Variants in DOP1B observed in about 807,000 individuals in gnomAD.
DOP1B encodes the protein protein DOP1B.
DOP1B carries 174 observed loss-of-function variants against 233.5 expected under a neutral mutation model. The ratio of observed to expected loss-of-function variants is 0.75; its 90% confidence interval spans 0.66 to 0.85. The LOEUF (loss-of-function observed/expected upper bound fraction) is 0.85. DOP1B is among the 40% of genes least tolerant of loss of function. The pLI is 0.00. For synonymous variants in DOP1B, 1,190 were observed against 1,185.6 expected, an observed-to-expected ratio of 1.00 and a Z score of -0.08; for missense variants, 2,652 against 2,846.6, an observed-to-expected ratio of 0.93 and a Z score of 1.56.
chr21:36,243,595 T>C (rs1209725343), intron 18 of DOP1B, among the ~76,000 whole-genome samples: 6 of 152,096 alleles, frequency 3.9e-5, no homozygotes. Context: ...TCCCAGACTT[T>C]CCTAGTGGCT....
At chr21:36,270,891 C>T (rs1225259067) in intron 27 of DOP1B, among the ~76,000 whole-genome samples, 8 of 139,492 alleles carry the variant, frequency 5.7e-5, no homozygotes, top group Non-Finnish European at 1.1e-4. Flanking sequence ...CCAGCCTGGG[C>T]GACAGAGTGA....
intron 4 of DOP1B, among the ~76,000 whole-genome samples, chr21:36,203,202 C>T (rs897399433): frequency 1.3e-5 from 2 of 152,192 alleles, no homozygotes; most frequent in South Asian, 2.1e-4. Context: ...CATGAATCAC[C>T]GAATCTATTT....
intron 2 of DOP1B, among the ~76,000 whole-genome samples, chr21:36,173,496 A>C (rs2065992152): frequency 2.7e-5 from 4 of 147,352 alleles, no homozygotes; most frequent in Non-Finnish European, 5.9e-5. Flanking sequence ...GTCTTGGCTC[A>C]CTGCAAGCTT....
chr21:36,225,604 C>T lies in DOP1B; in HGVS notation c.1410C>T (p.Ser470=), dbSNP rs2066673163. ...KQRYSVRNSV[S]PPPTVSELCA... is the part of the protein sequence containing the mutation. Reference sequence around the variant, plus strand: ...GTTACAGCGTGAGGAACAGCGTCAGCCCTCCCCCCACGGTCTCGGAGCTCT... The same window carrying T: ...GTTACAGCGTGAGGAACAGCGTCAGTCCTCCCCCCACGGTCTCGGAGCTCT... The change falls in exon 12 of 37, where the codon AGC becomes AGT. Residue 470 remains serine, a synonymous_variant. Transcript: ENST00000691173. 6.2e-7 allele frequency: 1 copy of T among 1,614,004 alleles called. No homozygotes were observed. Among genetic ancestry groups the T allele is most frequent in the African/African-American group, 1.3e-5 (1 of 74,912 alleles).
At chr21:36,196,970 T>G in intron 2 of DOP1B, among the ~76,000 whole-genome samples, 3 of 147,906 alleles carry the variant, frequency 2.0e-5, no homozygotes, top group Admixed American at 6.9e-5. Flanking sequence ...TGAGATGGAG[T>G]CTCACCCTGT....
At chr21:36,292,320 G>A (rs779414959) in intron 36 of DOP1B, 87 bp downstream of exon 36, 226 of 1,100,642 alleles carry the variant, frequency 2.1e-4, no homozygotes, top group Non-Finnish European at 2.6e-4. Context: ...GCAGTGGTGC[G>A]GTCTTCGCTT....
chr21:36,211,384 G>C (rs149537213), intron 5 of DOP1B, among the ~76,000 whole-genome samples, 169 bp from the exon 6 acceptor site: 3 of 152,116 alleles, frequency 2.0e-5, no homozygotes, highest in African/African-American at 7.2e-5. Context: ...CCGATGTCAC[G>C]CAGCCTGTGG....
At position 36,287,579 on chromosome 21, in the gene DOP1B, C is replaced by CTTTTTTTTTT. The variant is rs869203517; in HGVS notation, c.6161-419_6161-410dup. ...TTGCACAAAAGCATCTCCTAACATT[C>CTTTTTTTTTT]TTTTTTTTTTTTTTTTTTTTTTTTT... On this transcript the variant is annotated intron_variant, in intron 32 of 36. Coordinates refer to ENST00000691173, the MANE Select transcript of DOP1B (RefSeq NM_001320714.2). 1.8e-4 allele frequency among the ~76,000 whole-genome samples: 13 copies of CTTTTTTTTTT among 73,122 alleles called. 2 individuals are homozygous for CTTTTTTTTTT. The highest frequency in any genetic ancestry group is 2.3e-4 in the African/African-American group (4 of 17,430). The allele number at this position is 73,122 out of a possible 152,430, so 48.0% of individuals were successfully genotyped here.
intron 1 of DOP1B, among the ~76,000 whole-genome samples, chr21:36,159,575 G>A (rs1357310286): frequency 4.6e-5 from 7 of 152,204 alleles, no homozygotes; most frequent in Admixed American, 6.5e-5. Flanking sequence ...CATGAATGAC[G>A]ATTTCCAAAC....
chr21:36,161,180 A>G (rs7279160), intron 1 of DOP1B, among the ~76,000 whole-genome samples: 119,172 of 151,826 alleles, frequency 0.78, 46,800 homozygotes, highest in East Asian at 0.83. Flanking sequence ...GAGTCTCACT[A>G]TGTCACCCAG....
At chr21:36,210,338 A>G (rs1174447681) in intron 5 of DOP1B, among the ~76,000 whole-genome samples, 1 of 151,712 alleles carries the variant, frequency 6.6e-6, no homozygotes, top group Non-Finnish European at 1.5e-5. Flanking sequence ...ATGAAACCCC[A>G]CGTTTATTAA....
chr21:36,223,213 T>G lies in DOP1B; in HGVS notation c.1251-18T>G. The G allele has an allele frequency of 6.4e-7, 1 of 1,565,168 alleles. No homozygotes were observed. The highest frequency in any genetic ancestry group is 8.6e-7 in the Non-Finnish European group (1 of 1,164,084). On this transcript the variant is annotated intron_variant, in intron 10 of 36. Transcript: ENST00000691173. ...ATTTTTTTATAGACATATTTATTCATGTCCTCCCCTTTTACAGTGCAATCA... is the reference window on the plus strand; with the variant it reads ...ATTTTTTTATAGACATATTTATTCAGGTCCTCCCCTTTTACAGTGCAATCA...
At chr21:36,268,364 C>T (rs2067253118) in intron 26 of DOP1B, among the ~76,000 whole-genome samples, 1 of 152,090 alleles carries the variant, frequency 6.6e-6, no homozygotes, top group South Asian at 2.1e-4. Flanking sequence ...TTTTCCCAAC[C>T]CCACAGGCAG....
At chr21:36,288,836 A>G in intron 34 of DOP1B, 25 bp downstream of exon 34, 1 of 1,584,692 alleles carries the variant, frequency 6.3e-7, no homozygotes, top group Non-Finnish European at 8.6e-7. Flanking sequence ...ATCTGTACAC[A>G]AGAGGAAAAG....
In DOP1B at chr21:36,223,283, C is replaced by G; in HGVS notation, c.1303C>G (p.Leu435Val). The change falls in exon 11 of 37, where the codon CTG becomes GTG. Residue 435 changes from leucine to valine, a missense_variant. Physicochemically the swap from Leu to Val is conservative, Grantham distance 32. Coordinates refer to ENST00000691173, the MANE Select transcript of DOP1B (RefSeq NM_001320714.2). ...ASEIVKTVNL[L>V]ITSLSTDFLW... ...TGAGATTGTCAAAACGGTAAATTTG[C>G]TGATAACTTCTCTAAGCACAGACTT... 1 of 1,609,344 alleles carries G rather than the reference C, an allele frequency of 6.2e-7. No homozygotes were observed.
intron 23 of DOP1B, among the ~76,000 whole-genome samples, chr21:36,257,029 G>C (rs2067106063): frequency 6.6e-6 from 1 of 152,198 alleles, no homozygotes; most frequent in Non-Finnish European, 1.5e-5. Context: ...ACTTCTGACT[G>C]ACTAGCTTCA....
chr21:36,265,170 C>T (rs971128969), intron 26 of DOP1B, among the ~76,000 whole-genome samples: 28 of 152,184 alleles, frequency 1.8e-4, no homozygotes, highest in Admixed American at 3.9e-4. Context: ...CCAAGGTGGG[C>T]GGATCACCTG....
chr21:36,246,295 A>G lies in DOP1B; in HGVS notation c.4315A>G (p.Ile1439Val), dbSNP rs1247218530. 2 of 1,613,854 alleles carry G rather than the reference A, an allele frequency of 1.2e-6. No homozygotes were observed. Among genetic ancestry groups the G allele is most frequent in the African/African-American group, 2.7e-5 (2 of 74,942 alleles). The change falls in exon 19 of 37, where the codon ATT becomes GTT. Residue 1439 changes from isoleucine to valine, a missense_variant. Ile to Val is a conservative substitution (Grantham distance 29). Transcript: ENST00000691173. The surrounding 1 kb of genome is among the most constrained non-coding windows in gnomAD (Gnocchi z 5.1). ...DQIWSEHPLQIELLKLLQVLI... is the reference protein window; with the variant it reads ...DQIWSEHPLQVELLKLLQVLI... ...GATCTGGAGTGAGCACCCGCTGCAG[A>G]TTGAGCTGCTGAAGCTGCTGCAGGT...
At position 36,213,830 on chromosome 21, in the gene DOP1B, G is replaced by A. The variant is rs138516857; in HGVS notation, c.905-251G>A. Among the ~76,000 whole-genome samples the A allele has an allele frequency of 2.8e-3, 424 of 151,898 alleles. 15 individuals carry two copies. In the East Asian group the frequency reaches 0.07, roughly 25 times the overall value. ...GCTGGGATTACAGGCGTGAGCCACC[G>A]CGCCCAGCCAACAGGGTGAATTCTT... is the stretch of plus-strand genomic sequence containing the variant. On this transcript the variant is annotated intron_variant, in intron 7 of 36. Coordinates refer to ENST00000691173, the MANE Select transcript of DOP1B (RefSeq NM_001320714.2).
Sources: allele counts gnomAD v4.1 joint callset (sites outside exome capture counted in the v4.1 genomes callset), GRCh38; gene constraint gnomAD v4.1.1; non-coding constraint Gnocchi (gnomAD v3.1); transcripts MANE v1.5; gene names NCBI Gene and HGNC (gene_info 2026-07-23, HGNC 2026-07-21).